The following COL9A1 variants were observed in gnomAD, a reference collection of about 807,000 sequenced individuals.
COL9A1 encodes collagen type IX alpha 1 chain.
A neutral mutation model predicts 142.6 loss-of-function variants in COL9A1; 104 were observed. The observed-to-expected ratio is 0.73, with a 90% CI of 0.62 to 0.86. COL9A1 has a LOEUF of 0.86. Ranked by LOEUF, COL9A1 falls within the 40% of genes least tolerant of loss-of-function variation. COL9A1 has a pLI of 0.00. For missense variants in COL9A1, 1,210 were observed against 1,176.6 expected, an observed-to-expected ratio of 1.03 and a Z score of -0.42; for synonymous variants, 466 against 396.0, an observed-to-expected ratio of 1.18 and a Z score of -2.10.
chr6:70,278,668 T>C (rs752078399), intron 10 of COL9A1, among the ~76,000 whole-genome samples: 88 of 152,342 alleles, frequency 5.8e-4, no homozygotes, highest in Middle Eastern at 3.4e-3. Context: ...CAAAGTTCAA[T>C]AATTTAAGGC....
chr6:70,220,673 G>T (rs1270321698), intron 37 of COL9A1, among the ~76,000 whole-genome samples: 4 of 152,136 alleles, frequency 2.6e-5, no homozygotes, highest in Non-Finnish European at 4.4e-5. Flanking sequence ...TCAGTTGGGT[G>T]ACACTATGTC....
chr6:70,250,322 C>T (rs921389095), intron 28 of COL9A1, among the ~76,000 whole-genome samples: 5 of 152,176 alleles, frequency 3.3e-5, no homozygotes, highest in South Asian at 2.1e-4. Context: ...GCTCTAATGG[C>T]CACACACTGC....
intron 14 of COL9A1, 41 bp downstream of exon 14, chr6:70,271,614 T>G: frequency 6.3e-7 from 1 of 1,592,984 alleles, no homozygotes; most frequent in Non-Finnish European, 8.6e-7. Context: ...CATCTTCTAT[T>G]AAATCAGCAA....
chr6:70,234,743 C>T (rs1387566085), intron 34 of COL9A1, 51 bp downstream of exon 34: 1 of 1,613,012 alleles, frequency 6.2e-7, no homozygotes, highest in Non-Finnish European at 8.5e-7. Flanking sequence ...AGCCCTGCTG[C>T]TGTGGGATGG....
rs934572839 is a variant in COL9A1 at position 70,260,696 on chromosome 6, C to T, written c.1410G>A (p.Leu470=). ...CCCCAACTATGCCGGTGATGCCTCG[C>T]AAACCCTGGGCTCCCTGGAAATGTG... ...GAQGPPGAQG[L]RGITGIVGDK... is the part of the protein sequence containing the mutation. Residue 470 remains leucine (L), a synonymous_variant, in exon 20 of 38, where the codon TTG becomes TTA. Transcript: ENST00000357250. 12 of 1,613,828 alleles carry T rather than the reference C, an allele frequency of 7.4e-6. No homozygotes were observed. In the African/African-American group the frequency reaches 1.3e-4, roughly 18 times the overall value.
Position 70,265,608 on chromosome 6 carries a change from A to G in COL9A1, c.1341+1109T>C, listed in dbSNP as rs138301363. On this transcript the variant is annotated intron_variant, in intron 18 of 37. Coordinates refer to ENST00000357250, the MANE Select transcript of COL9A1 (RefSeq NM_001851.6). Reference sequence around the variant, plus strand: ...TTTTAATGACAATTTTTAAGATTCAATGGAAGAATGATCATACAGAGAAAT... The same window carrying G: ...TTTTAATGACAATTTTTAAGATTCAGTGGAAGAATGATCATACAGAGAAAT... Among the ~76,000 whole-genome samples, 878 of 151,934 alleles carry G rather than the reference A, an allele frequency of 5.8e-3. 8 individuals carry two copies. The highest frequency in any genetic ancestry group is 0.019 in the African/African-American group (803 of 41,474).
intron 11 of COL9A1, among the ~76,000 whole-genome samples, chr6:70,274,513 C>G (rs1207422300): frequency 6.6e-6 from 1 of 152,110 alleles, no homozygotes; most frequent in Admixed American, 6.6e-5. Flanking sequence ...GCTTCCAGCT[C>G]CATCCACGTC....
At chr6:70,300,966 T>C (rs1009167997) in intron 2 of COL9A1, among the ~76,000 whole-genome samples, 3 of 152,076 alleles carry the variant, frequency 2.0e-5, no homozygotes, top group Non-Finnish European at 4.4e-5. Flanking sequence ...TAATCCTAAA[T>C]AAAATATAGA....
chr6:70,274,921 C>T (rs1051588847), intron 10 of COL9A1, 149 bp from the exon 11 acceptor site: 9 of 650,972 alleles, frequency 1.4e-5, no homozygotes, highest in Non-Finnish European at 1.9e-5. Context: ...TTACTATAGT[C>T]TTACTCAAAA....
intron 10 of COL9A1, among the ~76,000 whole-genome samples, chr6:70,275,674 C>T (rs1772712594): frequency 6.6e-6 from 1 of 151,838 alleles, no homozygotes; most frequent in Non-Finnish European, 1.5e-5. Flanking sequence ...TAATTTTTTT[C>T]TTTGCTCTTT....
At position 70,300,336 on chromosome 6, in the gene COL9A1, T is replaced by A. The variant is rs757543422; in HGVS notation, c.139A>T (p.Ile47Phe). The change falls in exon 3 of 38, where the codon ATC becomes TTC. Residue 47 changes from isoleucine (I) to phenylalanine (F), a missense_variant. Ile to Phe is a conservative substitution (Grantham distance 21, BLOSUM62 0). Coordinates refer to ENST00000357250, the MANE Select transcript of COL9A1 (RefSeq NM_001851.6). ...GGTAAGTCATCTTGGCCAATCCTGA[T>A]CTTTGGACAGAGTTCATTTCCACCA... ...SNGGNELCPKIRIGQDDLPGF... is the reference protein window; with the variant it reads ...SNGGNELCPKFRIGQDDLPGF... 3 of 1,613,814 alleles carry A rather than the reference T, an allele frequency of 1.9e-6. No homozygotes were observed. Among genetic ancestry groups the A allele is most frequent in the South Asian group, 2.2e-5 (2 of 91,064 alleles).
chr6:70,295,585 G>T lies in COL9A1; in HGVS notation c.300-1022C>A, dbSNP rs1341414532. ...TTACAGGTGTGAGCTACTGCATCCG[G>T]CCCAGTTGTTCCTTAATCTGCCAAC... On this transcript the variant is annotated intron_variant, in intron 4 of 37. Coordinates refer to ENST00000357250, the MANE Select transcript of COL9A1 (RefSeq NM_001851.6). 1.3e-5 allele frequency among the ~76,000 whole-genome samples: 2 copies of T among 151,982 alleles called. 1 individual carries two copies. The highest frequency in any genetic ancestry group is 1.3e-4 in the Admixed American group (2 of 15,256).
At position 70,272,085 on chromosome 6, in the gene COL9A1, G is replaced by A. The variant is rs760563143; in HGVS notation, c.1069C>T (p.Arg357Cys). The change falls in exon 13 of 38, where the codon CGT becomes TGT. Residue 357 changes from arginine (R) to cysteine (C), a missense_variant. Arg to Cys is a radical substitution (Grantham distance 180). Transcript: ENST00000357250. ...CTTACAGGGGGTCCAGGAATACCAC[G>A]GCCCTAAAAGAGTACAATAAAAATG... ...GVPGSRGFPG[R>C]GIPGPPGPPG... 5.0e-6 allele frequency: 8 copies of A among 1,610,954 alleles called. No individual in the cohort carries two copies. The highest frequency in any genetic ancestry group is 1.1e-5 in the South Asian group (1 of 90,860).
intron 4 of COL9A1, among the ~76,000 whole-genome samples, chr6:70,299,662 C>T (rs1489455131): frequency 2.6e-5 from 4 of 152,160 alleles, no homozygotes; most frequent in African/African-American, 4.8e-5. Flanking sequence ...ACTTGAACAG[C>T]ACCATTGTGA....
At chr6:70,215,617 G>T (rs751929555), downstream of COL9A1, 1 of 152,188 alleles carries the variant, frequency 6.6e-6, no homozygotes, top group Non-Finnish European at 1.5e-5. Context: ...TGCTTAAGTG[G>T]TCAGGAAATA....
chr6:70,267,327 G>GTTTTTTGTTT (rs1554241917), intron 17 of COL9A1, among the ~76,000 whole-genome samples: 2 of 127,032 alleles, frequency 1.6e-5, no homozygotes, highest in Non-Finnish European at 3.3e-5. Flanking sequence ...TGGTTTTTTT[G>GTTTTTTGTTT]TTTTTTTTTT....
intron 33 of COL9A1, among the ~76,000 whole-genome samples, 181 bp from the exon 34 acceptor site, chr6:70,235,121 C>G (rs1769822879): frequency 6.6e-6 from 1 of 152,228 alleles, no homozygotes; most frequent in Admixed American, 6.5e-5. Flanking sequence ...ACACAACTTA[C>G]CCATCTTTTA....
chr6:70,270,309 C>T lies in COL9A1; in HGVS notation c.1197+5G>A. 2 of 1,613,586 alleles carry T rather than the reference C, an allele frequency of 1.2e-6. No homozygotes were observed. The highest frequency in any genetic ancestry group is 1.1e-5 in the South Asian group (1 of 91,058). On this transcript the variant is annotated splice_donor_5th_base_variant and intron_variant, in intron 15 of 37. Coordinates refer to ENST00000357250, the MANE Select transcript of COL9A1 (RefSeq NM_001851.6). ...AAACAGAAATTCAAGCTGCAAATAA[C>T]TTACTCTGGGTCCTGGGGGGCCAGG...
chr6:70,281,953 T>G (rs1218060881), intron 7 of COL9A1, among the ~76,000 whole-genome samples: 3 of 152,092 alleles, frequency 2.0e-5, no homozygotes, highest in African/African-American at 7.2e-5. Context: ...GGAAAAGATT[T>G]GGGAGGAGTA....
Sources: gnomAD v4.1 joint callset for allele counts (sites outside exome capture counted in the v4.1 genomes callset) on GRCh38, gnomAD v4.1.1 for gene constraint, MANE v1.5 for transcripts, NCBI Gene and HGNC (gene_info 2026-07-23, HGNC 2026-07-21) for gene names.